Variants in TAF1D observed in about 807,000 individuals in gnomAD.
TAF1D encodes TATA box-binding protein-associated factor RNA polymerase I subunit D.
TAF1D carries 23 observed loss-of-function variants against 26.2 expected under a neutral mutation model. The ratio of observed to expected loss-of-function variants is 0.88; its 90% CI spans 0.63 to 1.25. TAF1D has a LOEUF of 1.25. Ranked by LOEUF, TAF1D falls within the 50% of genes most tolerant of loss-of-function variation. TAF1D has a pLI of 0.00. For synonymous variants in TAF1D, 100 were observed against 105.6 expected (o/e 0.95, Z 0.33); for missense variants, 299 against 322.0 (o/e 0.93, Z 0.55).
chr11:93,730,624 A>C (rs771033707), downstream of TAF1D: 1 of 564,264 alleles, frequency 1.8e-6, no homozygotes, highest in Non-Finnish European at 3.4e-6. Flanking sequence ...TCACAGCCTC[A>C]TAAGCCCTCT....
intron 3 of TAF1D, 56 bp from the exon 4 acceptor site, chr11:93,737,295 G>C: frequency 7.5e-7 from 1 of 1,333,766 alleles, no homozygotes; most frequent in Non-Finnish European, 1.0e-6. Flanking sequence ...GACCCAGCAG[G>C]TGCCTATGTT....
At chr11:93,730,968 T>TACAGTTAA (rs1938557691), downstream of TAF1D, 1 of 503,552 alleles carries the variant, frequency 2.0e-6, no homozygotes, top group Non-Finnish European at 3.9e-6. Flanking sequence ...GCATTTCTAT[T>TACAGTTAA]ACAGTTAATC....
rs377714682 is a variant in TAF1D at position 93,738,091 on chromosome 11, T to G, written c.459+18A>C. 13 of 1,532,718 alleles carry G rather than the reference T, an allele frequency of 8.5e-6. No homozygotes were observed. The African/African-American group carries it at 1.7e-4, about 20-fold the overall frequency. 94.9% of individuals were successfully genotyped at this position (1,532,718 alleles called of 1,614,324 possible). Reference sequence around the variant, plus strand: ...ATCTTGAGTTATGTGTAGCCATGTATGTAAAATGCTGACTCACCTCAAACG... The same window carrying G: ...ATCTTGAGTTATGTGTAGCCATGTAGGTAAAATGCTGACTCACCTCAAACG... On this transcript the variant is annotated intron_variant, in intron 3 of 5. Coordinates refer to ENST00000448108, the MANE Select transcript of TAF1D (RefSeq NM_024116.4).
chr11:93,734,459 A>G, downstream of TAF1D: 1 of 344,404 alleles, frequency 2.9e-6, no homozygotes, highest in Non-Finnish European at 5.7e-6. Flanking sequence ...AATCTGACAC[A>G]TCACTATAAA....
At chr11:93,732,495 G>A (rs767884906), downstream of TAF1D, 27 of 517,026 alleles carry the variant, frequency 5.2e-5, no homozygotes, top group South Asian at 3.6e-4. Flanking sequence ...ATACCATGCA[G>A]TGCAATTATG....
chr11:93,732,144 C>CT (rs755989388), downstream of TAF1D: 2 of 517,992 alleles, frequency 3.9e-6, no homozygotes, highest in East Asian at 1.1e-4. Context: ...TTGTAAAAGT[C>CT]TTTAAAGCTT....
downstream of TAF1D, chr11:93,731,189 A>C: frequency 2.3e-6 from 1 of 438,804 alleles, no homozygotes; most frequent in South Asian, 1.8e-5. Flanking sequence ...TTTAATATGG[A>C]TATACTGATG....
At chr11:93,738,936 A>T in intron 2 of TAF1D, 1 of 432,060 alleles carries the variant, frequency 2.3e-6, no homozygotes, top group Non-Finnish European at 4.1e-6. Flanking sequence ...TTCACTGCTA[A>T]GAGTGTCTGA....
Position 93,736,104 on chromosome 11 carries a change from T to C in TAF1D, c.*57A>G. On this transcript the variant is annotated 3_prime_UTR_variant, in exon 6 of 6. Transcript: ENST00000448108. The stretch of plus-strand genomic sequence containing the variant: ...GTACATATATCCACATTTATCTTTA[T>C]TCATTTCTATGAAGTCGTTTTTTCT... 6.2e-7 allele frequency: 1 copy of C among 1,606,272 alleles called. No homozygotes were observed.
downstream of TAF1D, chr11:93,734,856 G>C: frequency 1.1e-6 from 1 of 889,860 alleles, no homozygotes; most frequent in Non-Finnish European, 1.5e-6. Context: ...GCTCAGTGCA[G>C]CCTCCAACTC....
chr11:93,741,144 TG>T, intron 1 of TAF1D, among the ~76,000 whole-genome samples, 177 bp downstream of exon 1: 1 of 152,374 alleles, frequency 6.6e-6, no homozygotes, highest in East Asian at 1.9e-4. Flanking sequence ...CACGTTTGTG[TG>T]GGACTCATAC....
In TAF1D at chr11:93,735,724, A is replaced by G. The variant is rs138768639; in HGVS notation, c.*437T>C. Reference sequence around the variant, plus strand: ...TGGAAAGGGAAATGAGGTTATTACAATACTAAGCATCTGACAGGTCACTTG... The same window carrying G: ...TGGAAAGGGAAATGAGGTTATTACAGTACTAAGCATCTGACAGGTCACTTG... On this transcript the variant is annotated 3_prime_UTR_variant, in exon 6 of 6. Transcript: ENST00000448108. The G allele has an allele frequency of 1.9e-6, 2 of 1,028,154 alleles. No individual in the cohort carries two copies. Among genetic ancestry groups the G allele is most frequent in the Admixed American group, 5.2e-5 (1 of 19,276 alleles). 63.7% of individuals were successfully genotyped at this position (1,028,154 alleles called of 1,614,324 possible). A position where few individuals can be genotyped will look rare whatever the true frequency, so the allele number is the denominator to read the frequency against.
Position 93,736,209 on chromosome 11 carries a change from C to T in TAF1D, c.789G>A (p.Lys263=), listed in dbSNP as rs750892459. ...CAGTATTTTTGGCTTTTGTAGCTCT[C>T]TTTTTAGACAAAGCAGCTTCTTCAG... ...DITEEAALSK[K]RATKAKNTGQ... is the part of the protein sequence containing the mutation. The change falls in exon 6 of 6, where the codon AAG becomes AAA. Residue 263 remains lysine (K), a synonymous_variant. Coordinates refer to ENST00000448108, the MANE Select transcript of TAF1D (RefSeq NM_024116.4). 3.7e-6 allele frequency: 6 copies of T among 1,613,388 alleles called. No individual in the cohort carries two copies. The highest frequency in any genetic ancestry group is 5.1e-6 in the Non-Finnish European group (6 of 1,179,720).
Position 93,738,331 on chromosome 11 carries a change from A to C in TAF1D, c.237T>G (p.Ala79=). The change falls in exon 3 of 6, where the codon GCT becomes GCG. Residue 79 remains alanine (A), a synonymous_variant. Transcript: ENST00000448108. ...SFEPIPLTIK[A]IFERFKNRKK... ...TCCTGTTCTTGAATCTTTCAAAAAT[A>C]GCTTTTATAGTCAATGGTATTGGTT... 6.2e-7 allele frequency: 1 copy of C among 1,612,020 alleles called. No homozygotes were observed. The highest frequency in any genetic ancestry group is 8.5e-7 in the Non-Finnish European group (1 of 1,179,588).
chr11:93,737,370 G>T (rs1941013445), intron 3 of TAF1D, 131 bp from the exon 4 acceptor site: 10 of 529,186 alleles, frequency 1.9e-5, no homozygotes, highest in Non-Finnish European at 3.3e-5. Flanking sequence ...CTCCCCACTT[G>T]TGGACTTATC....
At position 93,739,301 on chromosome 11, in the gene TAF1D, C is replaced by T. The variant is rs1941334849; in HGVS notation, c.4G>A (p.Asp2Asn). Residue 2 changes from aspartate (D) to asparagine (N), a missense_variant, in exon 2 of 6, where the codon GAT (aspartate) becomes AAT (asparagine). By Grantham distance (23) the Asp-to-Asn change is conservative. Transcript: ENST00000448108. Reference sequence around the variant, plus strand: ...TCAAGAGAATCTATTCCTGATTTATCCATCAATTGCTCTTTGTTTTAAACA... The same window carrying T: ...TCAAGAGAATCTATTCCTGATTTATTCATCAATTGCTCTTTGTTTTAAACA... Reference protein sequence around the residue: MDKSGIDSLDHV... With the variant: MNKSGIDSLDHV... 3 of 1,605,574 alleles carry T rather than the reference C, an allele frequency of 1.9e-6. No homozygotes were observed. Among genetic ancestry groups the T allele is most frequent in the Non-Finnish European group, 1.7e-6 (2 of 1,178,078 alleles).
At chr11:93,731,009 A>T (rs1944108), downstream of TAF1D, 1 of 518,542 alleles carries the variant, frequency 1.9e-6, no homozygotes, top group South Asian at 1.4e-5. Context: ...TTGCTAGCAA[A>T]GTAGCAGATA....
At chr11:93,730,636 T>G (rs755747669), downstream of TAF1D, 100 of 550,584 alleles carry the variant, frequency 1.8e-4, 1 homozygote, top group Non-Finnish European at 2.1e-5. Context: ...AAGCCCTCTT[T>G]GAAATGACCC....
At position 93,736,222 on chromosome 11, in the gene TAF1D, G is replaced by A. The variant is rs1940716576; in HGVS notation, c.776C>T (p.Ala259Val). 4 of 1,613,186 alleles carry A rather than the reference G, an allele frequency of 2.5e-6. No homozygotes were observed. Among genetic ancestry groups the A allele is most frequent in the East Asian group, 2.2e-5 (1 of 44,720 alleles). Residue 259 changes from alanine to valine, a missense_variant, in exon 6 of 6, where the codon GCT becomes GTT. Physicochemically the swap from Ala to Val is moderately conservative, Grantham distance 64. Transcript: ENST00000448108. Reference sequence around the variant, plus strand: ...TTTTGTAGCTCTCTTTTTAGACAAAGCAGCTTCTTCAGTAATATCCTCTTC... The same window carrying A: ...TTTTGTAGCTCTCTTTTTAGACAAAACAGCTTCTTCAGTAATATCCTCTTC... ...LEEEDITEEA[A>V]LSKKRATKAK...
Sources: allele counts gnomAD v4.1 joint callset (sites outside exome capture counted in the v4.1 genomes callset), GRCh38; gene constraint gnomAD v4.1.1; transcripts MANE v1.5; gene names NCBI Gene and HGNC (gene_info 2026-07-23, HGNC 2026-07-21).